Variants in HNRNPLL observed in about 807,000 individuals in gnomAD.
The protein encoded by HNRNPLL is heterogeneous nuclear ribonucleoprotein L like.
In HNRNPLL, 25 loss-of-function variants were observed where a neutral mutation model predicts 67.1. That is an observed-to-expected ratio of 0.37 (90% CI 0.27 to 0.52). The LOEUF is 0.52. Among genes scored for constraint, HNRNPLL ranks in the 20% least tolerant of loss-of-function variants. The pLI, the probability that HNRNPLL is intolerant of heterozygous loss-of-function variation, is 0.90. For missense variants in HNRNPLL, 542 were observed against 673.9 expected (o/e 0.80, Z 2.17); for synonymous variants, 267 against 241.7 (o/e 1.10, Z -0.97).
chr2:38,591,799 A>T, intron 1 of HNRNPLL, 151 bp from the exon 2 acceptor site: 1 of 493,266 alleles, frequency 2.0e-6, no homozygotes, highest in Non-Finnish European at 3.7e-6. Context: ...AACATGGTGA[A>T]ACCCCATCTC....
At chr2:38,568,919 C>T (rs987606898) in intron 10 of HNRNPLL, among the ~76,000 whole-genome samples, 2 of 152,008 alleles carry the variant, frequency 1.3e-5, no homozygotes, top group African/African-American at 4.8e-5. Flanking sequence ...TTCCAACTCT[C>T]AAAAGGATTG....
Position 38,602,777 on chromosome 2 carries a change from G to A in HNRNPLL, c.-151C>T. On this transcript the variant is annotated 5_prime_UTR_variant, in exon 1 of 13. Transcript: ENST00000449105. ...GTCCGCGGGGACTGCGCGGCCAGGAGACTGGCGGCTGAGAAGCGCGGACGG... is the reference window on the plus strand; with the variant it reads ...GTCCGCGGGGACTGCGCGGCCAGGAAACTGGCGGCTGAGAAGCGCGGACGG... The A allele has an allele frequency of 2.6e-6, 4 of 1,529,536 alleles. No homozygotes were observed. Among genetic ancestry groups the A allele is most frequent in the South Asian group, 1.2e-5 (1 of 82,006 alleles). The allele number at this position is 1,529,536 out of a possible 1,614,324, so 94.7% of individuals were successfully genotyped here. A position where few individuals can be genotyped will look rare whatever the true frequency, so the allele number is the denominator to read the frequency against.
At chr2:38,598,581 T>C (rs747069760) in intron 1 of HNRNPLL, among the ~76,000 whole-genome samples, 9 of 152,334 alleles carry the variant, frequency 5.9e-5, no homozygotes, top group East Asian at 1.9e-4. Flanking sequence ...TTTTTAGATA[T>C]GTAACATTTT....
intron 7 of HNRNPLL, among the ~76,000 whole-genome samples, chr2:38,575,887 C>T (rs915626767): frequency 1.3e-5 from 2 of 151,708 alleles, no homozygotes; most frequent in South Asian, 2.1e-4. Context: ...CCTCTTTATT[C>T]GCTCTCTTTC....
In HNRNPLL at chr2:38,568,230, C is replaced by T. The variant is rs755092153; in HGVS notation, c.1542G>A (p.Thr514=). The T allele has an allele frequency of 3.7e-6, 6 of 1,612,852 alleles. No individual in the cohort carries two copies. The highest frequency in any genetic ancestry group is 1.1e-5 in the South Asian group (1 of 91,034). The change falls in exon 12 of 13, where the codon ACG becomes ACA. Residue 514 remains threonine (T), a synonymous_variant. Coordinates refer to ENST00000449105, the MANE Select transcript of HNRNPLL (RefSeq NM_138394.4). ...ECKTDAVEAL[T]ALNHYQIRVP... ...CTCTTATCTGATAGTGATTCAGTGC[C>T]GTAAGGGCTTCTACTGCATCAGTTT...
At chr2:38,598,227 A>G (rs1667288898) in intron 1 of HNRNPLL, among the ~76,000 whole-genome samples, 1 of 152,210 alleles carries the variant, frequency 6.6e-6, no homozygotes. Context: ...AAGATCAAAA[A>G]TGCTTGATAA....
At chr2:38,586,043 A>G (rs1573744606) in intron 2 of HNRNPLL, among the ~76,000 whole-genome samples, 162 bp from the exon 3 acceptor site, 1 of 147,294 alleles carries the variant, frequency 6.8e-6, no homozygotes, top group South Asian at 2.1e-4. Flanking sequence ...TTTTTTTGAG[A>G]CGGAGTCTTT....
At chr2:38,579,417 A>AT (rs1223654892) in intron 6 of HNRNPLL, among the ~76,000 whole-genome samples, 4 of 151,752 alleles carry the variant, frequency 2.6e-5, no homozygotes, top group African/African-American at 9.7e-5. Flanking sequence ...AATAATAATA[A>AT]AATAAAATAA....
intron 1 of HNRNPLL, among the ~76,000 whole-genome samples, chr2:38,593,876 A>C (rs1667066896): frequency 6.6e-6 from 1 of 150,600 alleles, no homozygotes. Context: ...AAAAAAACAA[A>C]AAAAAACCTA....
At chr2:38,566,185 T>G in intron 12 of HNRNPLL, 2 of 506,274 alleles carry the variant, frequency 4.0e-6, no homozygotes, top group Non-Finnish European at 5.1e-6. Flanking sequence ...CTGGCCAACG[T>G]GGTGAAACCC....
chr2:38,570,578 T>A (rs1350465284), intron 8 of HNRNPLL, among the ~76,000 whole-genome samples: 1 of 152,180 alleles, frequency 6.6e-6, no homozygotes. Context: ...CTTACCCTCT[T>A]GTACTATTTC....
At chr2:38,582,874 T>TA (rs397976998) in intron 4 of HNRNPLL, among the ~76,000 whole-genome samples, 4,169 of 135,260 alleles carry the variant, frequency 0.031, 153 homozygotes, top group African/African-American at 0.096. Context: ...AACTCCATCT[T>TA]AAAAAAAAAA....
chr2:38,597,833 G>C (rs532466419), intron 1 of HNRNPLL, among the ~76,000 whole-genome samples: 3 of 151,842 alleles, frequency 2.0e-5, no homozygotes, highest in Admixed American at 2.0e-4. Flanking sequence ...GATTACAGGC[G>C]CGTGCCACCA....
In HNRNPLL at chr2:38,569,935, CAAAATTCCAA is replaced by C; in HGVS notation, c.1093-20_1093-11del. Reference sequence around the variant, plus strand: ...TCTTCATAAATTTTACCTGTAAACACAAAATTCCAAAAAGGTGACCATTTAATTCCCTTTT... The same window carrying C: ...TCTTCATAAATTTTACCTGTAAACACAAAGGTGACCATTTAATTCCCTTTT... On this transcript the variant is annotated splice_polypyrimidine_tract_variant and intron_variant, in intron 8 of 12. Coordinates refer to ENST00000449105, the MANE Select transcript of HNRNPLL (RefSeq NM_138394.4). 1 of 1,567,174 alleles carries C rather than the reference CAAAATTCCAA, an allele frequency of 6.4e-7. No homozygotes were observed. Among genetic ancestry groups the C allele is most frequent in the Non-Finnish European group, 8.6e-7 (1 of 1,157,914 alleles).
At chr2:38,590,747 C>T (rs1441435108) in intron 2 of HNRNPLL, among the ~76,000 whole-genome samples, 3 of 152,164 alleles carry the variant, frequency 2.0e-5, no homozygotes, top group African/African-American at 7.2e-5. Flanking sequence ...CTCACAGAGC[C>T]TATAATCCCA....
Position 38,587,535 on chromosome 2 carries a change from C to T in HNRNPLL, c.309-1654G>A, listed in dbSNP as rs75525661. On this transcript the variant is annotated intron_variant, in intron 2 of 12. Transcript: ENST00000449105. ...AATTTAAAAGTGCAAGATATAAATCCCAGGAGACATTCCTTTTAGAAACAC... is the reference window on the plus strand; with the variant it reads ...AATTTAAAAGTGCAAGATATAAATCTCAGGAGACATTCCTTTTAGAAACAC... 8.7e-3 allele frequency among the ~76,000 whole-genome samples: 1,318 copies of T among 152,094 alleles called. 12 individuals are homozygous for T. The highest frequency in any genetic ancestry group is 0.042 in the South Asian group (201 of 4,814).
intron 8 of HNRNPLL, among the ~76,000 whole-genome samples, chr2:38,572,806 C>G (rs1301520430): frequency 6.6e-6 from 1 of 151,964 alleles, no homozygotes; most frequent in East Asian, 1.9e-4. Flanking sequence ...TAGAACTCTT[C>G]TGAAATTCAC....
At chr2:38,565,700 G>C (rs964591217) in intron 12 of HNRNPLL, among the ~76,000 whole-genome samples, 4 of 135,260 alleles carry the variant, frequency 3.0e-5, no homozygotes, top group African/African-American at 8.8e-5. Context: ...CTGCATTCCA[G>C]GCTAGGAGAT....
intron 2 of HNRNPLL, among the ~76,000 whole-genome samples, chr2:38,589,034 C>A (rs1042418927): frequency 6.6e-6 from 1 of 152,088 alleles, no homozygotes. Context: ...TGTGTCCTCC[C>A]AAATGTTGTA....
Sources: gnomAD v4.1 joint callset for allele counts (sites outside exome capture counted in the v4.1 genomes callset) on GRCh38, gnomAD v4.1.1 for gene constraint, MANE v1.5 for transcripts, NCBI Gene and HGNC (gene_info 2026-07-23, HGNC 2026-07-21) for gene names.